The following RBFOX3 variants were observed in gnomAD, a reference collection of about 807,000 sequenced individuals.
RBFOX3 encodes the protein RNA binding protein fox-1 homolog 3.
A neutral mutation model predicts 48.7 loss-of-function variants in RBFOX3; 17 were observed. The ratio of observed to expected loss-of-function variants is 0.35; its 90% CI spans 0.24 to 0.52. RBFOX3 has a LOEUF of 0.52. Ranked by LOEUF, RBFOX3 falls within the 20% of genes least tolerant of loss-of-function variation. The pLI is 0.94. For synonymous variants in RBFOX3, 212 were observed against 209.5 expected (o/e 1.01, Z -0.10); for missense variants, 382 against 497.5 (o/e 0.77, Z 2.21).
the RBFOX3 span, among the ~76,000 whole-genome samples, chr17:79,620,545 G>GCA: frequency 2.9e-5 from 4 of 136,344 alleles, no homozygotes; most frequent in African/African-American, 1.1e-4. Context: ...ATGCACACAC[G>GCA]CATGCACACA....
chr17:79,170,106 A>AAGG (rs1473080703), intron 4 of RBFOX3, among the ~76,000 whole-genome samples: 1 of 143,500 alleles, frequency 7.0e-6, no homozygotes, highest in African/African-American at 2.7e-5. Context: ...GAAAGCAGGA[A>AAGG]AGGAGGAGGA....
chr17:79,288,347 C>A (rs80290884), intron 3 of RBFOX3, among the ~76,000 whole-genome samples: 4,625 of 152,248 alleles, frequency 0.03, 113 homozygotes, highest in East Asian at 0.068. Context: ...CATCAGAGAG[C>A]GGAGATAGAT....
chr17:79,526,656 C>A (rs1268761295), intron 1 of RBFOX3, among the ~76,000 whole-genome samples: 1 of 152,192 alleles, frequency 6.6e-6, no homozygotes. Flanking sequence ...CCCAGACAAA[C>A]CAAGTCCTGC....
intron 2 of RBFOX3, among the ~76,000 whole-genome samples, chr17:79,420,664 T>C (rs563092798): frequency 6.6e-6 from 1 of 152,220 alleles, no homozygotes; most frequent in South Asian, 2.1e-4. Context: ...TCCCAGCCAC[T>C]GCTCTGCAGC....
intron 1 of RBFOX3, among the ~76,000 whole-genome samples, chr17:79,575,620 C>G (rs1168824429): frequency 3.3e-5 from 5 of 152,186 alleles, no homozygotes; most frequent in Non-Finnish European, 7.3e-5. Context: ...CGTTTAAGTC[C>G]CTGTCACTCA....
intron 3 of RBFOX3, among the ~76,000 whole-genome samples, chr17:79,264,324 C>T (rs772770654): frequency 3.3e-5 from 5 of 151,842 alleles, no homozygotes; most frequent in Admixed American, 1.3e-4. Context: ...GATCCATGTG[C>T]GTCGCCCTCC....
chr17:79,104,257 G>A (rs2146568835), intron 6 of RBFOX3, 131 bp from the exon 7 acceptor site: 1 of 840,794 alleles, frequency 1.2e-6, no homozygotes, highest in South Asian at 1.5e-5. Flanking sequence ...GCTTGGGAAA[G>A]GAGACCGGGG....
intron 3 of RBFOX3, among the ~76,000 whole-genome samples, chr17:79,274,896 C>T (rs573184305): frequency 5.9e-5 from 9 of 152,094 alleles, no homozygotes; most frequent in African/African-American, 1.2e-4. Flanking sequence ...CTTCTCTCTA[C>T]GTCCTGCTAG....
intron 1 of RBFOX3, among the ~76,000 whole-genome samples, chr17:79,489,892 C>T (rs2080247697): frequency 6.6e-6 from 1 of 152,202 alleles, no homozygotes; most frequent in Non-Finnish European, 1.5e-5. Flanking sequence ...CCCCGCAAAA[C>T]ATAAGCTCCT....
At chr17:79,631,310 G>T in the RBFOX3 span, among the ~76,000 whole-genome samples, 2 of 152,052 alleles carry the variant, frequency 1.3e-5, no homozygotes, top group Non-Finnish European at 2.9e-5. Flanking sequence ...CTCTATAGAT[G>T]CCCCCAGGGT....
At chr17:79,472,808 G>A (rs2077214816) in intron 2 of RBFOX3, among the ~76,000 whole-genome samples, 1 of 152,214 alleles carries the variant, frequency 6.6e-6, no homozygotes. Context: ...CAAGTTCTGT[G>A]ATCTGACCTG....
At chr17:79,619,998 CACACAT>C in the RBFOX3 span, among the ~76,000 whole-genome samples, 1 of 152,102 alleles carries the variant, frequency 6.6e-6, no homozygotes, top group African/African-American at 2.4e-5. Context: ...CGCACATGCA[CACACAT>C]GCACATGCAC....
chr17:79,253,901 G>C (rs889799876), intron 3 of RBFOX3, among the ~76,000 whole-genome samples: 2 of 152,256 alleles, frequency 1.3e-5, no homozygotes, highest in Admixed American at 1.3e-4. Context: ...AGCTCAGAGA[G>C]GTTGGACACC....
the RBFOX3 span, among the ~76,000 whole-genome samples, chr17:79,654,097 G>A: frequency 6.6e-6 from 1 of 151,942 alleles, no homozygotes; most frequent in Non-Finnish European, 1.5e-5. Flanking sequence ...GATAAACAAG[G>A]GCATGAAAGA....
chr17:79,602,512 G>A (rs945355616), intron 1 of RBFOX3, among the ~76,000 whole-genome samples: 6 of 152,138 alleles, frequency 3.9e-5, no homozygotes, highest in Non-Finnish European at 7.4e-5. Flanking sequence ...TGAACCACAC[G>A]CCCCGTCCCA....
intron 4 of RBFOX3, among the ~76,000 whole-genome samples, chr17:79,116,768 G>A (rs2034117036): frequency 6.6e-6 from 1 of 152,362 alleles, no homozygotes; most frequent in South Asian, 2.1e-4. Flanking sequence ...GCCCCAAGCG[G>A]GGAATACTGC....
intron 3 of RBFOX3, among the ~76,000 whole-genome samples, chr17:79,250,326 A>G (rs2063751609): frequency 6.6e-6 from 1 of 152,168 alleles, no homozygotes; most frequent in Admixed American, 6.5e-5. Flanking sequence ...TTAATAATAG[A>G]TAGTTGCTGT....
rs534022962 is a variant in RBFOX3 at position 79,443,672 on chromosome 17, C to T, written c.-175+38782G>A. Among the ~76,000 whole-genome samples the T allele has an allele frequency of 6.9e-4, 105 of 152,324 alleles. 2 individuals carry two copies. The Middle Eastern group carries it at 0.02, about 30-fold the overall frequency. The stretch of plus-strand genomic sequence containing the variant: ...TGCTGGGATTACAGGCATGAGCCAC[C>T]GCACCCTCTTGTTCACTGTCTCACA... On this transcript the variant is annotated intron_variant, in intron 2 of 14. Coordinates refer to ENST00000693108, the MANE Select transcript of RBFOX3 (RefSeq NM_001350451.2). This position sits in a 1 kb window ranked among gnomAD's most constrained non-coding sequence, Gnocchi z 4.4.
chr17:79,475,217 C>G (rs1435871815), intron 2 of RBFOX3, among the ~76,000 whole-genome samples: 1 of 152,162 alleles, frequency 6.6e-6, no homozygotes, highest in African/African-American at 2.4e-5. Context: ...TCCACTAGGT[C>G]TGTGGACGGC....
Sources: allele counts gnomAD v4.1 joint callset (sites outside exome capture counted in the v4.1 genomes callset), GRCh38; gene constraint gnomAD v4.1.1; non-coding constraint Gnocchi (gnomAD v3.1); transcripts MANE v1.5; gene names NCBI Gene and HGNC (gene_info 2026-07-23, HGNC 2026-07-21).